COQ8A: variants seen among roughly 807,000 people sequenced by gnomAD.
COQ8A encodes atypical kinase COQ8A, mitochondrial.
A neutral mutation model predicts 65.0 loss-of-function variants in COQ8A; 51 were observed. That is an observed-to-expected ratio of 0.78 (90% CI 0.63 to 0.99). The LOEUF is 0.99. COQ8A is among the 50% of genes least tolerant of loss of function. The probability of loss-of-function intolerance (pLI) is 0.00; values close to 1 mark genes in which losing one functional copy is unlikely to be tolerated. For missense variants in COQ8A, 940 were observed against 875.0 expected, an observed-to-expected ratio of 1.07 and a Z score of -0.94; for synonymous variants, 371 against 353.2, an observed-to-expected ratio of 1.05 and a Z score of -0.57.
intron 4 of COQ8A, among the ~76,000 whole-genome samples, chr1:226,976,061 A>C (rs1281212608): frequency 6.8e-6 from 1 of 147,162 alleles, no homozygotes; most frequent in Non-Finnish European, 1.5e-5. Flanking sequence ...GCTGCCGGGC[A>C]GTGGGGCTGT....
chr1:226,983,512 T>A, intron 8 of COQ8A, 40 bp from the exon 9 acceptor site: 6 of 1,590,458 alleles, frequency 3.8e-6, no homozygotes, highest in Non-Finnish European at 5.2e-6. Flanking sequence ...CCCACCCGTC[T>A]CCCTGGGCTA....
rs1378553045 is a variant in COQ8A at position 226,965,073 on chromosome 1, C to T, written c.251C>T (p.Pro84Leu). ...GPEGEFHFSV[P>L]HAAGASTDFS... ...GAAGGGGAGTTCCACTTCTCAGTCCCGCATGCAGCCGGAGCCTCCACAGAC... is the reference window on the plus strand; with the variant it reads ...GAAGGGGAGTTCCACTTCTCAGTCCTGCATGCAGCCGGAGCCTCCACAGAC... Residue 84 changes from proline (P) to leucine (L), a missense_variant, in exon 3 of 15, where the codon CCG becomes CTG. By Grantham distance (98) the Pro-to-Leu change is moderately conservative. Coordinates refer to ENST00000366777, the MANE Select transcript of COQ8A (RefSeq NM_020247.5). 1.5e-5 allele frequency: 25 copies of T among 1,613,850 alleles called. No homozygotes were observed. Among genetic ancestry groups the T allele is most frequent in the Middle Eastern group, 1.6e-4 (1 of 6,084 alleles).
Position 226,983,646 on chromosome 1 carries a change from G to A in COQ8A, c.1162+13G>A. 1 of 1,613,858 alleles carries A rather than the reference G, an allele frequency of 6.2e-7. No homozygotes were observed. The highest frequency in any genetic ancestry group is 1.1e-5 in the South Asian group (1 of 91,090). ...ATGCTTCCAGAAGGTCTGAGGCTAG[G>A]TGGTTGGGTCAAGGGCAGGAGTGGG... On this transcript the variant is annotated intron_variant, in intron 9 of 14. Transcript: ENST00000366777.
intron 4 of COQ8A, among the ~76,000 whole-genome samples, chr1:226,974,520 C>T (rs1444795726): frequency 6.6e-6 from 1 of 152,188 alleles, no homozygotes; most frequent in Non-Finnish European, 1.5e-5. Context: ...CCGGGGAGTG[C>T]CGGCTGAGGT....
At chr1:226,981,328 T>C (rs531243972) in intron 5 of COQ8A, among the ~76,000 whole-genome samples, 1 of 152,172 alleles carries the variant, frequency 6.6e-6, no homozygotes, top group Admixed American at 6.5e-5. Flanking sequence ...TAGCCGGCCT[T>C]CTGCTGCTCC....
intron 5 of COQ8A, among the ~76,000 whole-genome samples, chr1:226,979,656 T>C (rs762021604): frequency 6.6e-6 from 1 of 152,068 alleles, no homozygotes; most frequent in Non-Finnish European, 1.5e-5. Context: ...CTAGCCTCCT[T>C]TGGGGGCCCT....
In COQ8A at chr1:226,965,754, C is replaced by A. The variant is rs967349187; in HGVS notation, c.655+17C>A. ...ACTTCGGAGGTAAGGTGGCTGTGTG[C>A]CCCTGGACTGCCTCACCTGCCCTGC... On this transcript the variant is annotated intron_variant, in intron 4 of 14. Coordinates refer to ENST00000366777, the MANE Select transcript of COQ8A (RefSeq NM_020247.5). The A allele has an allele frequency of 1.5e-5, 24 of 1,612,338 alleles. No individual in the cohort carries two copies. The highest frequency in any genetic ancestry group is 2.0e-5 in the Non-Finnish European group (24 of 1,179,532).
Position 226,965,741 on chromosome 1 carries a change from A to G in COQ8A, c.655+4A>G. ...GGCCGGCTGGCCAACTTCGGAGGTA[A>G]GGTGGCTGTGTGCCCCTGGACTGCC... On this transcript the variant is annotated splice_donor_region_variant and intron_variant, in intron 4 of 14. Transcript: ENST00000366777. The G allele has an allele frequency of 1.9e-6, 3 of 1,613,534 alleles. No individual in the cohort carries two copies. The highest frequency in any genetic ancestry group is 2.5e-6 in the Non-Finnish European group (3 of 1,179,964).
In COQ8A at chr1:226,978,889, A is replaced by G. The variant is rs191398661; in HGVS notation, c.730+1366A>G. ...CTTACACACCCTCCACACACCCACC[A>G]ATCACCCACTGAACACTGCACCTCC... is the stretch of plus-strand genomic sequence containing the variant. On this transcript the variant is annotated intron_variant, in intron 5 of 14. Transcript: ENST00000366777. Among the ~76,000 whole-genome samples, 420 of 61,230 alleles carry G rather than the reference A, an allele frequency of 6.9e-3. 106 individuals carry two copies. Among genetic ancestry groups the G allele is most frequent in the Middle Eastern group, 0.026 (2 of 76 alleles). The allele number at this position is 61,230 out of a possible 152,430, so 40.2% of individuals were successfully genotyped here.
intron 4 of COQ8A, among the ~76,000 whole-genome samples, chr1:226,967,443 G>T (rs1225104257): frequency 1.3e-5 from 2 of 152,184 alleles, no homozygotes; most frequent in African/African-American, 2.4e-5. Context: ...GAGTCTTTGT[G>T]GGGTGGGGAG....
chr1:226,982,022 C>T lies in COQ8A; in HGVS notation c.731-5C>T, dbSNP rs1042812307. On this transcript the variant is annotated splice_polypyrimidine_tract_variant and splice_region_variant and intron_variant, in intron 5 of 14. Transcript: ENST00000366777. ...GCCGTGGTGACCCCTCTTGCCCGCC[C>T]ACAGGGAAGAAGGCCGTGCTGGGTT... is the stretch of plus-strand genomic sequence containing the variant. 6.2e-7 allele frequency: 1 copy of T among 1,612,898 alleles called. No homozygotes were observed. The highest frequency in any genetic ancestry group is 8.5e-7 in the Non-Finnish European group (1 of 1,180,008).
chr1:226,984,020 T>A (rs1038453779), intron 10 of COQ8A, 74 bp from the exon 11 acceptor site: 2 of 1,411,850 alleles, frequency 1.4e-6, no homozygotes, highest in African/African-American at 1.6e-5. Context: ...CTCTGCCTGG[T>A]TGGGGGGTGT....
chr1:226,978,814 C>CCCA (rs1659497319), intron 5 of COQ8A, among the ~76,000 whole-genome samples: 2 of 123,614 alleles, frequency 1.6e-5, no homozygotes, highest in Admixed American at 8.2e-5. Flanking sequence ...TCCTTACACA[C>CCCA]CCTCCATGCA....
intron 14 of COQ8A, among the ~76,000 whole-genome samples, chr1:226,986,018 C>T (rs1660087339): frequency 2.0e-5 from 3 of 152,214 alleles, no homozygotes. Flanking sequence ...CTCTCCCCTG[C>T]TCTGCTGGCG....
At chr1:226,954,294 TG>T (rs2148022626) in intron 1 of COQ8A, among the ~76,000 whole-genome samples, 1 of 152,372 alleles carries the variant, frequency 6.6e-6, no homozygotes, top group South Asian at 2.1e-4. Context: ...GCCAGACTCT[TG>T]GGAAGAGGGT....
rs41527149 is a variant in COQ8A at position 226,953,870 on chromosome 1, G to A, written c.-9-7507G>A. On this transcript the variant is annotated intron_variant, in intron 1 of 14. Coordinates refer to ENST00000366777, the MANE Select transcript of COQ8A (RefSeq NM_020247.5). ...GGTTACATCTAAAGAGACTCATGGAGTTTGGTTCAGAAGTTTGAAGTCTTT... is the reference window on the plus strand; with the variant it reads ...GGTTACATCTAAAGAGACTCATGGAATTTGGTTCAGAAGTTTGAAGTCTTT... Among the ~76,000 whole-genome samples, 379 of 152,352 alleles carry A rather than the reference G, an allele frequency of 2.5e-3. 8 individuals are homozygous for A. The East Asian group carries it at 0.046, about 19-fold the overall frequency.
At chr1:226,960,639 GGTA>G (rs1658191488) in intron 1 of COQ8A, among the ~76,000 whole-genome samples, 1 of 151,358 alleles carries the variant, frequency 6.6e-6, no homozygotes. Context: ...TGGTGGTGGT[GGTA>G]GTGGTGCTTG....
intron 4 of COQ8A, among the ~76,000 whole-genome samples, chr1:226,976,464 G>A (rs555832846): frequency 6.6e-6 from 1 of 152,250 alleles, no homozygotes; most frequent in South Asian, 2.1e-4. Flanking sequence ...GCCCGGGTGC[G>A]GGGTGCGGGG....
rs374782676 is a variant in COQ8A, at chr1:226,978,922, TCCACACACCCA to T, written c.730+1412_730+1422del. On this transcript the variant is annotated intron_variant, in intron 5 of 14. Coordinates refer to ENST00000366777, the MANE Select transcript of COQ8A (RefSeq NM_020247.5). ...ACTGAACACTGCACCTCCTTACCCC[TCCACACACCCA>T]CCACACACCCACACACCTTACCCTC... is the stretch of plus-strand genomic sequence containing the variant. 6.4e-4 allele frequency among the ~76,000 whole-genome samples: 80 copies of T among 124,532 alleles called. 1 individual carries two copies. Among genetic ancestry groups the T allele is most frequent in the East Asian group, 2.0e-3 (8 of 3,982 alleles). 81.7% of individuals were successfully genotyped at this position (124,532 alleles called of 152,430 possible).
Sources: gnomAD v4.1 joint callset for allele counts (sites outside exome capture counted in the v4.1 genomes callset) on GRCh38, gnomAD v4.1.1 for gene constraint, MANE v1.5 for transcripts, NCBI Gene and HGNC (gene_info 2026-07-23, HGNC 2026-07-21) for gene names.